Variants in ANKRD27 observed in about 807,000 individuals in gnomAD.
ANKRD27 encodes the protein ankyrin repeat domain 27.
Under a neutral mutation model 129.7 loss-of-function variants are expected in ANKRD27, and 112 were observed. The ratio of observed to expected loss-of-function variants is 0.86; its 90% CI spans 0.74 to 1.01. ANKRD27 has a LOEUF of 1.01. ANKRD27 is among the 50% of genes least tolerant of loss of function. The probability of loss-of-function intolerance (pLI) is 0.00; values close to 1 mark genes in which losing one functional copy is unlikely to be tolerated. For missense variants in ANKRD27, 1,258 were observed against 1,300.5 expected, an observed-to-expected ratio of 0.97 and a Z score of 0.50; for synonymous variants, 516 against 511.2, an observed-to-expected ratio of 1.01 and a Z score of -0.13.
intron 2 of ANKRD27, among the ~76,000 whole-genome samples, chr19:32,658,662 G>A (rs1476006940): frequency 1.3e-5 from 2 of 152,162 alleles, no homozygotes; most frequent in Non-Finnish European, 2.9e-5. Flanking sequence ...GGTGCTCCAC[G>A]AAAGGGCACA....
intron 12 of ANKRD27, among the ~76,000 whole-genome samples, chr19:32,631,808 G>C (rs757659362): frequency 5.9e-5 from 9 of 152,192 alleles, no homozygotes; most frequent in Non-Finnish European, 1.2e-4. Context: ...CCTCCAGATG[G>C]AAACTCACAT....
intron 15 of ANKRD27, 57 bp from the exon 16 acceptor site, chr19:32,626,884 T>C: frequency 8.0e-7 from 1 of 1,251,868 alleles, no homozygotes; most frequent in South Asian, 1.3e-5. Context: ...CTTCCACACC[T>C]TAACTGTAAA....
chr19:32,656,789 CAAAA>C (rs34410291), intron 2 of ANKRD27, among the ~76,000 whole-genome samples: 1 of 137,162 alleles, frequency 7.3e-6, no homozygotes, highest in Non-Finnish European at 1.5e-5. Context: ...GACCTTATCT[CAAAA>C]AAAAAAAAAA....
Position 32,597,442 on chromosome 19 carries a change from A to G in ANKRD27, c.*703T>C, listed in dbSNP as rs1971586385. The G allele has an allele frequency of 6.5e-6, 1 of 152,674 alleles. No homozygotes were observed. The highest frequency in any genetic ancestry group is 1.5e-5 in the Non-Finnish European group (1 of 68,118). The allele number at this position is 152,674 out of a possible 1,614,324, so 9.5% of individuals were successfully genotyped here. ...ACATTCAAGGGAGGTTCTCAACAAA[A>G]AGGGATGTTTCTAGAAATACTGCTA... On this transcript the variant is annotated 3_prime_UTR_variant, in exon 29 of 29. Transcript: ENST00000306065.
At chr19:32,631,847 T>C (rs555050019) in intron 12 of ANKRD27, among the ~76,000 whole-genome samples, 1 of 152,208 alleles carries the variant, frequency 6.6e-6, no homozygotes, top group African/African-American at 2.4e-5. Context: ...TCCTCAAGCC[T>C]CTGACCAAAT....
rs572136407 is a variant in ANKRD27, at chr19:32,617,939, G to A, written c.2008-306C>T. On this transcript the variant is annotated intron_variant, in intron 20 of 28. Coordinates refer to ENST00000306065, the MANE Select transcript of ANKRD27 (RefSeq NM_032139.3). ...CCGGCTAATTTTTTTTGTATTTTTA[G>A]TAGATACAGGGTTTCTCCATATTGG... 1.4e-3 allele frequency among the ~76,000 whole-genome samples: 206 copies of A among 152,006 alleles called. 2 individuals carry two copies. The highest frequency in any genetic ancestry group is 4.7e-3 in the African/African-American group (197 of 41,482).
At chr19:32,674,014 G>A (rs7252792) in intron 1 of ANKRD27, among the ~76,000 whole-genome samples, 19,120 of 150,998 alleles carry the variant, frequency 0.13, 1,731 homozygotes, top group East Asian at 0.38. Flanking sequence ...AAAATTAGCC[G>A]TGCATAGTGG....
In ANKRD27 at chr19:32,597,702, G is replaced by C. The variant is rs1971590248; in HGVS notation, c.*443C>G. ...TTCAGCCTGGCCTCTACAGTACCATGAAACCTAAATTACTTACTTCTCTCC... is the reference window on the plus strand; with the variant it reads ...TTCAGCCTGGCCTCTACAGTACCATCAAACCTAAATTACTTACTTCTCTCC... On this transcript the variant is annotated 3_prime_UTR_variant, in exon 29 of 29. Transcript: ENST00000306065. 5.6e-6 allele frequency: 1 copy of C among 179,192 alleles called. No homozygotes were observed. The highest frequency in any genetic ancestry group is 2.3e-5 in the African/African-American group (1 of 42,728). The allele number at this position is 179,192 out of a possible 1,614,324, so 11.1% of individuals were successfully genotyped here. A position where few individuals can be genotyped will look rare whatever the true frequency, so the allele number is the denominator to read the frequency against.
intron 13 of ANKRD27, among the ~76,000 whole-genome samples, chr19:32,629,753 T>C (rs746773605): frequency 4.7e-5 from 7 of 149,566 alleles, no homozygotes; most frequent in African/African-American, 1.5e-4. Context: ...CATAAAGCAA[T>C]AGGAATGGCG....
At position 32,657,578 on chromosome 19, in the gene ANKRD27, G is replaced by A. The variant is rs549578756; in HGVS notation, c.102+1336C>T. ...GCAGAGGTTGCAGAGAGTCGAGATT[G>A]CGCCACTGCACTCCAGCCTGAGCAA... On this transcript the variant is annotated intron_variant, in intron 2 of 28. Coordinates refer to ENST00000306065, the MANE Select transcript of ANKRD27 (RefSeq NM_032139.3). Among the ~76,000 whole-genome samples the A allele has an allele frequency of 4.6e-5, 7 of 151,512 alleles. No individual in the cohort carries two copies. The East Asian group carries it at 1.2e-3, about 25-fold the overall frequency.
rs759978229 is a variant in ANKRD27 at position 32,599,774 on chromosome 19, C to G, written c.2849G>C (p.Gly950Ala). ...YFVHSAGQFK[G>A]KTSREIMARD... ...TGCCATAATCTCCCTTGAAGTCTTT[C>G]CCCTAAAACCCAAAATAAACGAAAA... Residue 950 changes from glycine (G) to alanine (A), a missense_variant and splice_region_variant, in exon 28 of 29, where the codon GGA becomes GCA. Gly to Ala is a moderately conservative substitution (Grantham distance 60). Coordinates refer to ENST00000306065, the MANE Select transcript of ANKRD27 (RefSeq NM_032139.3). 67 of 1,612,416 alleles carry G rather than the reference C, an allele frequency of 4.2e-5. No individual in the cohort carries two copies. The highest frequency in any genetic ancestry group is 5.4e-5 in the Non-Finnish European group (64 of 1,179,670).
chr19:32,626,769 G>A lies in ANKRD27; in HGVS notation c.1479C>T (p.Asp493=). Residue 493 remains aspartate, a synonymous_variant, in exon 16 of 29, where the codon GAC becomes GAT. Transcript: ENST00000306065. The part of the protein sequence containing the change: ...VSKGAMVNAT[D]YHGATPLHLA... Reference sequence around the variant, plus strand: ...GGTGGAGCGGAGTGGCTCCATGGTAGTCTGTGGCATTTACCATGGCGCCCT... The same window carrying A: ...GGTGGAGCGGAGTGGCTCCATGGTAATCTGTGGCATTTACCATGGCGCCCT... 1 of 1,612,676 alleles carries A rather than the reference G, an allele frequency of 6.2e-7. No homozygotes were observed. Among genetic ancestry groups the A allele is most frequent in the Non-Finnish European group, 8.5e-7 (1 of 1,179,456 alleles).
chr19:32,670,663 G>A (rs1020221497), intron 1 of ANKRD27, among the ~76,000 whole-genome samples: 2 of 151,522 alleles, frequency 1.3e-5, no homozygotes, highest in East Asian at 2.0e-4. Flanking sequence ...AACAGAGGGG[G>A]ACTCTGTCTC....
chr19:32,636,234 G>A, intron 12 of ANKRD27: 1 of 164,454 alleles, frequency 6.1e-6, no homozygotes, highest in Non-Finnish European at 1.4e-5. Flanking sequence ...TGGTGTGCCT[G>A]CATCCAACTG....
intron 2 of ANKRD27, among the ~76,000 whole-genome samples, chr19:32,654,142 C>T (rs772193133): frequency 5.9e-5 from 9 of 152,038 alleles, no homozygotes; most frequent in Non-Finnish European, 1.3e-4. Flanking sequence ...CCTAGTGATC[C>T]GCCTGCCTCG....
At chr19:32,613,933 C>T (rs1284742916) in intron 22 of ANKRD27, among the ~76,000 whole-genome samples, 1 of 152,112 alleles carries the variant, frequency 6.6e-6, no homozygotes, top group South Asian at 2.1e-4. Context: ...TGGTCTTGAT[C>T]TTCTAACTTC....
chr19:32,660,580 C>G lies in ANKRD27; in HGVS notation c.-30-1535G>C, dbSNP rs190276612. 2.2e-4 allele frequency among the ~76,000 whole-genome samples: 34 copies of G among 152,232 alleles called. No individual in the cohort carries two copies. The East Asian group carries it at 6.2e-3, about 28-fold the overall frequency. On this transcript the variant is annotated intron_variant, in intron 1 of 28. Transcript: ENST00000306065. ...TTGCTCCTCCGGCCACGTGAGGTTA[C>G]AGAGAACAGACAGCTGTTTATGAAG... is the stretch of plus-strand genomic sequence containing the variant.
At position 32,646,509 on chromosome 19, in the gene ANKRD27, C is replaced by G. The variant is rs145358047; in HGVS notation, c.320G>C (p.Ser107Thr). The change falls in exon 4 of 29, where the codon AGT (serine) becomes ACT (threonine). Residue 107 changes from serine to threonine, a missense_variant. Physicochemically the swap from Ser to Thr is moderately conservative, Grantham distance 58. Transcript: ENST00000306065. ...EETFYNEKEE[S>T]FSILCIAHPL... The stretch of plus-strand genomic sequence containing the variant: ...ATGGGCTATACACAGGATGCTGAAA[C>G]TCTCTTCTTTTTCATTGTAGAAAGT... 3 of 1,614,076 alleles carry G rather than the reference C, an allele frequency of 1.9e-6. No homozygotes were observed. The African/African-American group carries it at 4.0e-5, about 22-fold the overall frequency.
intron 9 of ANKRD27, 75 bp from the exon 10 acceptor site, chr19:32,642,220 C>CGA: frequency 3.9e-6 from 5 of 1,287,468 alleles, no homozygotes; most frequent in South Asian, 4.5e-5. Flanking sequence ...AAGAACACAT[C>CGA]TCAGGATCTA....
Sources: allele counts gnomAD v4.1 joint callset (sites outside exome capture counted in the v4.1 genomes callset), GRCh38; gene constraint gnomAD v4.1.1; transcripts MANE v1.5; gene names NCBI Gene and HGNC (gene_info 2026-07-23, HGNC 2026-07-21).